The following CDH13 variants were observed in gnomAD, a reference collection of about 807,000 sequenced individuals.
CDH13 encodes the protein cadherin-13.
Under a neutral mutation model 63.8 loss-of-function variants are expected in CDH13, and 24 were observed. That is an observed-to-expected ratio of 0.38 (90% CI 0.27 to 0.53). The LOEUF (loss-of-function observed/expected upper bound fraction) is 0.53, where lower values mean the gene tolerates loss of function less well. CDH13 is among the 20% of genes least tolerant of loss of function. CDH13 has a pLI of 0.85. For missense variants in CDH13, 1,049 were observed against 903.1 expected (o/e 1.16, Z -2.07); for synonymous variants, 503 against 355.3 (o/e 1.42, Z -4.67).
At chr16:83,387,345 A>G (rs1458182358) in intron 6 of CDH13, among the ~76,000 whole-genome samples, 1 of 152,192 alleles carries the variant, frequency 6.6e-6, no homozygotes, top group Non-Finnish European at 1.5e-5. Context: ...AATTGCCTGC[A>G]GCAGGTTTCG....
chr16:83,047,012 G>T lies in CDH13; in HGVS notation c.366+14794G>T, dbSNP rs781051841. On this transcript the variant is annotated intron_variant, in intron 3 of 13. Transcript: ENST00000567109. The surrounding 1 kb of genome is among the most constrained non-coding windows in gnomAD (Gnocchi z 4.9). Reference sequence around the variant, plus strand: ...TTCCTCAACTGTCTATCTTTCTGCAGCAAATCCTTTGACAGAGAATGTGCA... The same window carrying T: ...TTCCTCAACTGTCTATCTTTCTGCATCAAATCCTTTGACAGAGAATGTGCA... Among the ~76,000 whole-genome samples, 15 of 152,162 alleles carry T rather than the reference G, an allele frequency of 9.9e-5. No individual in the cohort carries two copies. Among genetic ancestry groups the T allele is most frequent in the Non-Finnish European group, 1.9e-4 (13 of 68,034 alleles).
intron 7 of CDH13, among the ~76,000 whole-genome samples, chr16:83,538,385 G>A (rs1329785241): frequency 6.6e-6 from 1 of 152,204 alleles, no homozygotes; most frequent in African/African-American, 2.4e-5. Flanking sequence ...AATCTTGAGA[G>A]TGAAATGACC....
intron 5 of CDH13, among the ~76,000 whole-genome samples, chr16:83,237,737 G>C (rs1283547851): frequency 6.6e-6 from 1 of 152,122 alleles, no homozygotes; most frequent in Non-Finnish European, 1.5e-5. Context: ...GTGAACTTTA[G>C]TTCCTCATTT....
At chr16:83,502,461 T>A (rs1261159273) in intron 7 of CDH13, among the ~76,000 whole-genome samples, 1 of 152,204 alleles carries the variant, frequency 6.6e-6, no homozygotes, top group African/African-American at 2.4e-5. Context: ...TTTAGCCCAC[T>A]GAGACCCACT....
intron 7 of CDH13, among the ~76,000 whole-genome samples, chr16:83,584,545 G>A (rs1218346146): frequency 2.0e-5 from 3 of 152,136 alleles, no homozygotes; most frequent in Non-Finnish European, 4.4e-5. Flanking sequence ...AGCAGGACTT[G>A]GCTGCGTCTG....
Position 83,022,884 on chromosome 16 carries a change from A to T in CDH13, c.158-9126A>T, listed in dbSNP as rs973130765. The T allele has an allele frequency of 2.6e-5, 4 of 152,366 alleles. No individual in the cohort carries two copies. In the East Asian group the frequency reaches 5.8e-4, roughly 22 times the overall value. 9.4% of individuals were successfully genotyped at this position (152,366 alleles called of 1,614,324 possible). A position where few individuals can be genotyped will look rare whatever the true frequency, so the allele number is the denominator to read the frequency against. ...CGCTTATAAGAATAGCACAAAATTC[A>T]TATATTAGTTCATACCTAGCTCTGC... On this transcript the variant is annotated intron_variant, in intron 2 of 13. Transcript: ENST00000567109.
intron 1 of CDH13, among the ~76,000 whole-genome samples, chr16:82,748,636 T>TTAA (rs1387315327): frequency 5.3e-5 from 8 of 152,176 alleles, no homozygotes; most frequent in African/African-American, 1.9e-4. Context: ...CTAAACTCTG[T>TTAA]TAATAATTGT....
chr16:83,036,462 CT>C (rs1475864922), intron 3 of CDH13, among the ~76,000 whole-genome samples: 1 of 152,034 alleles, frequency 6.6e-6, no homozygotes, highest in Admixed American at 6.6e-5. Context: ...GAGCTCTCTG[CT>C]TTAACAGTAG....
At chr16:83,558,893 C>A (rs2075650268) in intron 7 of CDH13, among the ~76,000 whole-genome samples, 1 of 152,164 alleles carries the variant, frequency 6.6e-6, no homozygotes, top group African/African-American at 2.4e-5. Flanking sequence ...AGCTGGGTGT[C>A]CACAGTCACA....
intron 7 of CDH13, among the ~76,000 whole-genome samples, chr16:83,502,077 A>G (rs758520341): frequency 3.3e-5 from 5 of 152,212 alleles, no homozygotes; most frequent in Non-Finnish European, 7.3e-5. Flanking sequence ...AACTCATAGC[A>G]CGGCCTGTGT....
At chr16:83,109,121 C>T (rs1281725259) in intron 3 of CDH13, among the ~76,000 whole-genome samples, 2 of 152,088 alleles carry the variant, frequency 1.3e-5, no homozygotes, top group African/African-American at 2.4e-5. Context: ...CCAGTGGGCT[C>T]ATGTACAAAA....
At position 83,054,320 on chromosome 16, in the gene CDH13, C is replaced by T. The variant is rs372507135; in HGVS notation, c.366+22102C>T. On this transcript the variant is annotated intron_variant, in intron 3 of 13. Transcript: ENST00000567109. The stretch of plus-strand genomic sequence containing the variant: ...CACAATCAGAGATTAAAAACAATAA[C>T]GAATAGTAAAATAGAACAATTACAG... 1.2e-4 allele frequency among the ~76,000 whole-genome samples: 18 copies of T among 152,228 alleles called. No homozygotes were observed. In the South Asian group the frequency reaches 1.9e-3, roughly 16 times the overall value.
chr16:83,508,003 G>A (rs555594151), intron 7 of CDH13, among the ~76,000 whole-genome samples: 2 of 149,666 alleles, frequency 1.3e-5, no homozygotes, highest in South Asian at 4.3e-4. Flanking sequence ...CTGCACTCCA[G>A]CTTGGGCAAC....
At chr16:83,355,282 A>G (rs978993968) in intron 6 of CDH13, among the ~76,000 whole-genome samples, 1 of 152,220 alleles carries the variant, frequency 6.6e-6, no homozygotes, top group Non-Finnish European at 1.5e-5. Context: ...GAGTCATTTT[A>G]TGATGCCAGC....
chr16:82,629,081 C>T (rs1332451970), intron 1 of CDH13, among the ~76,000 whole-genome samples: 1 of 152,182 alleles, frequency 6.6e-6, no homozygotes, highest in Non-Finnish European at 1.5e-5. Flanking sequence ...GTTCATATTC[C>T]AGGGCTTGCC....
At chr16:82,640,329 T>A (rs1310946793) in intron 1 of CDH13, among the ~76,000 whole-genome samples, 1 of 152,234 alleles carries the variant, frequency 6.6e-6, no homozygotes, top group Admixed American at 6.5e-5. Context: ...GATAAAGTGT[T>A]GTTGGTCAAC....
rs1269836803 is a variant in CDH13 at position 83,675,360 on chromosome 16, T to C, written c.1285-2848T>C. ...GAAATAAACATTAGCATGGCCCTGC[T>C]CCCTTCCTAAGGCCAGCCTCACATT... On this transcript the variant is annotated intron_variant, in intron 9 of 13. Coordinates refer to ENST00000567109, the MANE Select transcript of CDH13 (RefSeq NM_001257.5). Among the ~76,000 whole-genome samples, 3 of 152,188 alleles carry C rather than the reference T, an allele frequency of 2.0e-5. No individual in the cohort carries two copies. The East Asian group carries it at 5.8e-4, about 29-fold the overall frequency.
At chr16:82,976,120 A>T (rs1281608705) in intron 2 of CDH13, among the ~76,000 whole-genome samples, 1 of 152,228 alleles carries the variant, frequency 6.6e-6, no homozygotes. Context: ...AGTATTTTTC[A>T]AGATAAGATT....
At chr16:83,352,182 C>T (rs567893733) in intron 6 of CDH13, among the ~76,000 whole-genome samples, 11 of 149,102 alleles carry the variant, frequency 7.4e-5, no homozygotes, top group African/African-American at 2.2e-4. Context: ...GTTTTATGGT[C>T]GCCTAAAATG....
Sources: gnomAD v4.1 joint callset for allele counts (sites outside exome capture counted in the v4.1 genomes callset) on GRCh38, gnomAD v4.1.1 for gene constraint, Gnocchi (gnomAD v3.1) non-coding constraint, MANE v1.5 for transcripts, NCBI Gene and HGNC (gene_info 2026-07-23, HGNC 2026-07-21) for gene names.